ZNF578: variants seen among roughly 807,000 people sequenced by gnomAD.
The protein encoded by ZNF578 is zinc finger protein 578.
Under a neutral mutation model 8.3 loss-of-function variants are expected in ZNF578, and 8 were observed. The observed-to-expected ratio is 0.96, with a 90% CI of 0.56 to 1.74. The LOEUF is 1.74. ZNF578 is among the 40% of genes most tolerant of loss of function. The probability of loss-of-function intolerance (pLI) is 0.00; values close to 1 mark genes in which losing one functional copy is unlikely to be tolerated. For synonymous variants in ZNF578, 206 were observed against 232.2 expected, an observed-to-expected ratio of 0.89 and a Z score of 1.03; for missense variants, 726 against 707.5, an observed-to-expected ratio of 1.03 and a Z score of -0.30.
At chr19:52,485,696 CTG>C (rs1439351359) in intron 2 of ZNF578, among the ~76,000 whole-genome samples, 2 of 152,182 alleles carry the variant, frequency 1.3e-5, no homozygotes, top group Non-Finnish European at 2.9e-5. Context: ...CAGAAATGTG[CTG>C]TGTTGACTCA....
At chr19:52,459,863 C>A (rs2059252376) in intron 2 of ZNF578, among the ~76,000 whole-genome samples, 1 of 139,054 alleles carries the variant, frequency 7.2e-6, no homozygotes, top group African/African-American at 2.7e-5. Flanking sequence ...CAACCTCTGC[C>A]TCCTAGGTTC....
intron 3 of ZNF578, among the ~76,000 whole-genome samples, chr19:52,496,302 C>T (rs1183018237): frequency 1.4e-5 from 2 of 145,500 alleles, no homozygotes; most frequent in Admixed American, 7.0e-5. Context: ...AGGCATGAGC[C>T]ACCACGCTCG....
intron 2 of ZNF578, among the ~76,000 whole-genome samples, chr19:52,488,618 A>C (rs1297230500): frequency 6.7e-6 from 1 of 148,858 alleles, no homozygotes; most frequent in East Asian, 2.0e-4. Context: ...CAAAACAAAC[A>C]AACAAAAATA....
intron 2 of ZNF578, among the ~76,000 whole-genome samples, chr19:52,490,154 T>C (rs1480782828): frequency 6.6e-6 from 1 of 152,224 alleles, no homozygotes; most frequent in Non-Finnish European, 1.5e-5. Flanking sequence ...GTACACATTC[T>C]ATGTCTTATA....
chr19:52,504,049 G>T (rs2059416735), intron 4 of ZNF578, among the ~76,000 whole-genome samples: 1 of 151,402 alleles, frequency 6.6e-6, no homozygotes, highest in African/African-American at 2.4e-5. Context: ...GCCCACATTG[G>T]TCTCCCAAAA....
chr19:52,511,739 A>T lies in ZNF578; in HGVS notation c.1358A>T (p.Lys453Ile). 1 of 1,613,550 alleles carries T rather than the reference A, an allele frequency of 6.2e-7. No individual in the cohort carries two copies. Among genetic ancestry groups the T allele is most frequent in the South Asian group, 1.1e-5 (1 of 91,068 alleles). Residue 453 changes from lysine to isoleucine, a missense_variant, in exon 6 of 6, where the codon AAA becomes ATA. Lys to Ile is a moderately radical substitution (Grantham distance 102). Coordinates refer to ENST00000421239, the MANE Select transcript of ZNF578 (RefSeq NM_001099694.2). ...CATCATAGACTTCATACTGGAGAGA[A>T]ATCTTACAAATGTGAAGAATGTGAC... ...ARHHRLHTGE[K>I]SYKCEECDRV... is the part of the protein sequence containing the mutation.
intron 4 of ZNF578, among the ~76,000 whole-genome samples, chr19:52,503,420 A>T (rs565078803): frequency 4.6e-5 from 7 of 152,230 alleles, no homozygotes; most frequent in Admixed American, 2.0e-4. Context: ...ATCTCAGCTC[A>T]CTGCAACCTC....
intron 2 of ZNF578, among the ~76,000 whole-genome samples, chr19:52,489,938 GAGCCACCACGCCC>G (rs1362061928): frequency 6.6e-6 from 1 of 152,170 alleles, no homozygotes; most frequent in Non-Finnish European, 1.5e-5. Flanking sequence ...TTACAGGCGT[GAGCCACCACGCCC>G]AGCCACCCAT....
In ZNF578 at chr19:52,512,132, T is replaced by C; in HGVS notation, c.1751T>C (p.Ile584Thr). ...CACAATCACTTGATTGATTCATCAA[T>C]CAAGCCTTGCATGTCATCATAGACT... is the stretch of plus-strand genomic sequence containing the variant. Reference protein sequence around the residue: ...KAHNHLIDSSIKPCMSS With the variant: ...KAHNHLIDSSTKPCMSS Residue 584 changes from isoleucine to threonine, a missense_variant, in exon 6 of 6, where the codon ATC becomes ACC. Ile to Thr is a moderately conservative substitution (Grantham distance 89). Coordinates refer to ENST00000421239, the MANE Select transcript of ZNF578 (RefSeq NM_001099694.2). 1 of 1,613,768 alleles carries C rather than the reference T, an allele frequency of 6.2e-7. No homozygotes were observed.
intron 5 of ZNF578, 151 bp from the exon 6 acceptor site, chr19:52,510,421 A>T: frequency 8.9e-7 from 1 of 1,125,490 alleles, no homozygotes; most frequent in Non-Finnish European, 1.2e-6. Context: ...GTTATTTATT[A>T]AAGAATCTTA....
At chr19:52,472,825 CA>C (rs1341184291) in intron 2 of ZNF578, among the ~76,000 whole-genome samples, 1 of 152,108 alleles carries the variant, frequency 6.6e-6, no homozygotes, top group Non-Finnish European at 1.5e-5. Flanking sequence ...GAAGCCTTTT[CA>C]AAAAACCTCC....
chr19:52,485,108 C>T (rs1004956595), intron 2 of ZNF578, among the ~76,000 whole-genome samples: 2 of 151,926 alleles, frequency 1.3e-5, no homozygotes, highest in Non-Finnish European at 2.9e-5. Flanking sequence ...TGACTTTTCC[C>T]TTTTGTGTAG....
intron 3 of ZNF578, among the ~76,000 whole-genome samples, chr19:52,493,052 C>G (rs1013776872): frequency 6.6e-6 from 1 of 152,160 alleles, no homozygotes; most frequent in East Asian, 1.9e-4. Flanking sequence ...GGAGGCTGGT[C>G]CAGTCCCTGG....
chr19:52,493,428 C>G (rs1028216903), intron 3 of ZNF578, among the ~76,000 whole-genome samples: 1 of 152,196 alleles, frequency 6.6e-6, no homozygotes, highest in African/African-American at 2.4e-5. Context: ...GATATTCTTG[C>G]CTGCCCAGTT....
chr19:52,499,606 T>G (rs761894558), intron 3 of ZNF578, among the ~76,000 whole-genome samples: 1 of 152,190 alleles, frequency 6.6e-6, no homozygotes, highest in Non-Finnish European at 1.5e-5. Context: ...CATTACATTA[T>G]TTGTAAGTGT....
At chr19:52,483,060 A>G (rs1031354958) in intron 2 of ZNF578, among the ~76,000 whole-genome samples, 1 of 152,004 alleles carries the variant, frequency 6.6e-6, no homozygotes, top group African/African-American at 2.4e-5. Context: ...ATAGAGTGTG[A>G]CTTGGTCTCA....
intron 2 of ZNF578, among the ~76,000 whole-genome samples, chr19:52,472,850 A>T (rs968619041): frequency 6.6e-6 from 1 of 152,248 alleles, no homozygotes; most frequent in Non-Finnish European, 1.5e-5. Context: ...ATAATTTTTT[A>T]AAAAATTATA....
At chr19:52,487,054 T>G (rs2059348288) in intron 2 of ZNF578, among the ~76,000 whole-genome samples, 1 of 151,626 alleles carries the variant, frequency 6.6e-6, no homozygotes, top group African/African-American at 2.4e-5. Context: ...ACAGAGGGGC[T>G]GGGTGCAGTG....
chr19:52,479,046 C>G (rs1030784581), intron 2 of ZNF578, among the ~76,000 whole-genome samples: 1 of 152,006 alleles, frequency 6.6e-6, no homozygotes, highest in African/African-American at 2.4e-5. Context: ...TTCTCCTGCT[C>G]TGTCCCAATT....
Sources: gnomAD v4.1 joint callset for allele counts (sites outside exome capture counted in the v4.1 genomes callset) on GRCh38, gnomAD v4.1.1 for gene constraint, MANE v1.5 for transcripts, NCBI Gene and HGNC (gene_info 2026-07-23, HGNC 2026-07-21) for gene names.